The following ARID3B variants were observed in gnomAD, a reference collection of about 807,000 sequenced individuals.
ARID3B encodes AT-rich interactive domain-containing protein 3B.
Under a neutral mutation model 51.9 loss-of-function variants are expected in ARID3B, and 10 were observed. The ratio of observed to expected loss-of-function variants is 0.19; its 90% CI spans 0.12 to 0.33. ARID3B has a LOEUF of 0.33. Among genes scored for constraint, ARID3B ranks in the 10% least tolerant of loss-of-function variants. ARID3B has a pLI of 1.00. For missense variants in ARID3B, 483 were observed against 716.3 expected, an observed-to-expected ratio of 0.67 and a Z score of 3.72; for synonymous variants, 205 against 279.5, an observed-to-expected ratio of 0.73 and a Z score of 2.66.
Position 74,597,131 on chromosome 15 carries a change from C to A in ARID3B, c.*1357C>A, listed in dbSNP as rs2061829828. ...GCTCAGGGCACAGGCAGGCTGGGGT[C>A]CTCGCTGGCCTTGCCAGAGGTTGAG... On this transcript the variant is annotated 3_prime_UTR_variant, in exon 9 of 9. Transcript: ENST00000346246. 1.6e-5 allele frequency: 4 copies of A among 246,512 alleles called. No individual in the cohort carries two copies. The highest frequency in any genetic ancestry group is 3.2e-5 in the Non-Finnish European group (4 of 126,436). The allele number at this position is 246,512 out of a possible 1,614,324, so 15.3% of individuals were successfully genotyped here. A position where few individuals can be genotyped will look rare whatever the true frequency, so the allele number is the denominator to read the frequency against.
At chr15:74,570,852 G>A (rs1365619130) in intron 2 of ARID3B, among the ~76,000 whole-genome samples, 1 of 152,204 alleles carries the variant, frequency 6.6e-6, no homozygotes, top group African/African-American at 2.4e-5. Flanking sequence ...TCTGGTGACT[G>A]TAATTACAAT....
At chr15:74,579,828 CGTGTGTGTGT>C (rs374538596) in intron 4 of ARID3B, among the ~76,000 whole-genome samples, 6,874 of 137,836 alleles carry the variant, frequency 0.05, 326 homozygotes, top group Admixed American at 0.16. Context: ...CACCTGTTGC[CGTGTGTGTGT>C]GTGTGTGTGT....
intron 2 of ARID3B, among the ~76,000 whole-genome samples, chr15:74,554,411 T>C (rs1350791705): frequency 6.6e-6 from 1 of 152,114 alleles, no homozygotes; most frequent in Non-Finnish European, 1.5e-5. Context: ...CAAGCAGCCC[T>C]CCCGCCTCAG....
chr15:74,591,601 C>G lies in ARID3B; in HGVS notation c.1207C>G (p.Leu403Val). Residue 403 changes from leucine (L) to valine (V), a missense_variant, in exon 7 of 9, where the codon CTG becomes GTG. By Grantham distance (32) the Leu-to-Val change is conservative (BLOSUM62 1). Around this residue, in one of 3 missense-constraint regions of ARID3B, gnomAD observed 265 missense variants for 354.4 expected, o/e 0.75. Transcript: ENST00000346246. This position sits in a 1 kb window ranked among gnomAD's most constrained non-coding sequence, Gnocchi z 5.8. Reference protein sequence around the residue: ...PVTTVPVPNRLAVPVTLASQQ... With the variant: ...PVTTVPVPNRVAVPVTLASQQ... Reference sequence around the variant, plus strand: ...GACAACAGTGCCTGTGCCAAATCGTCTGGCTGTGCCCGTGACCTTGGCAAG... The same window carrying G: ...GACAACAGTGCCTGTGCCAAATCGTGTGGCTGTGCCCGTGACCTTGGCAAG... The G allele has an allele frequency of 6.2e-7, 1 of 1,607,150 alleles. No individual in the cohort carries two copies. Among genetic ancestry groups the G allele is most frequent in the Non-Finnish European group, 8.5e-7 (1 of 1,176,792 alleles).
intron 4 of ARID3B, among the ~76,000 whole-genome samples, chr15:74,584,974 T>C (rs2061774900): frequency 6.6e-6 from 1 of 152,200 alleles, no homozygotes; most frequent in Non-Finnish European, 1.5e-5. Context: ...ACTGTCAGTC[T>C]CCTTTATTGA....
chr15:74,590,440 C>G (rs2061798935), intron 5 of ARID3B, among the ~76,000 whole-genome samples: 1 of 152,198 alleles, frequency 6.6e-6, no homozygotes, highest in South Asian at 2.1e-4. Flanking sequence ...CCCCTCTTAC[C>G]TGATATTCAG....
chr15:74,579,550 C>T (rs11629946), intron 4 of ARID3B, among the ~76,000 whole-genome samples: 47,101 of 152,030 alleles, frequency 0.31, 9,875 homozygotes, highest in African/African-American at 0.55. Context: ...TTGTGTCTAT[C>T]GAGCTACCCT....
intron 2 of ARID3B, among the ~76,000 whole-genome samples, chr15:74,566,290 C>G (rs1375509388): frequency 6.6e-6 from 1 of 152,074 alleles, no homozygotes; most frequent in Non-Finnish European, 1.5e-5. Flanking sequence ...TCATACTACT[C>G]TCTTACTTGT....
At chr15:74,556,782 T>TTTTC (rs2061659971) in intron 2 of ARID3B, among the ~76,000 whole-genome samples, 1 of 147,446 alleles carries the variant, frequency 6.8e-6, no homozygotes, top group East Asian at 2.0e-4. Flanking sequence ...TTTTGTTTTT[T>TTTTC]TTTTTTTTTT....
intron 4 of ARID3B, among the ~76,000 whole-genome samples, chr15:74,587,328 C>T (rs1195890304): frequency 6.6e-6 from 1 of 152,146 alleles, no homozygotes; most frequent in Non-Finnish European, 1.5e-5. Flanking sequence ...GAGGTACCTC[C>T]AAGGACGAAT....
chr15:74,548,529 C>A (rs543360416), intron 2 of ARID3B, among the ~76,000 whole-genome samples: 1 of 152,326 alleles, frequency 6.6e-6, no homozygotes, highest in South Asian at 2.1e-4. Flanking sequence ...CCCTCCTCTA[C>A]CCTTCCCCTT....
chr15:74,545,798 G>A (rs1318289316), intron 2 of ARID3B, among the ~76,000 whole-genome samples: 4 of 152,202 alleles, frequency 2.6e-5, no homozygotes, highest in South Asian at 2.1e-4. Flanking sequence ...TACAACAATA[G>A]TGTTTGCAGC....
At chr15:74,589,773 G>A (rs1417540411) in intron 4 of ARID3B, 47 bp from the exon 5 acceptor site, 39 of 1,554,400 alleles carry the variant, frequency 2.5e-5, no homozygotes, top group Non-Finnish European at 3.3e-5. Context: ...TTTCTTCTCA[G>A]CCTGATGATG....
chr15:74,585,422 C>T (rs2061777133), intron 4 of ARID3B, among the ~76,000 whole-genome samples: 1 of 152,220 alleles, frequency 6.6e-6, no homozygotes, highest in Non-Finnish European at 1.5e-5. Flanking sequence ...GGCCTTAAGC[C>T]AGGGGCCCTT....
intron 2 of ARID3B, among the ~76,000 whole-genome samples, chr15:74,547,072 A>G (rs2061618468): frequency 6.6e-6 from 1 of 152,154 alleles, no homozygotes; most frequent in African/African-American, 2.4e-5. Context: ...TTACTTTATG[A>G]AACTTAATGG....
intron 8 of ARID3B, among the ~76,000 whole-genome samples, 192 bp from the exon 9 acceptor site, chr15:74,595,419 A>G (rs1366489249): frequency 6.6e-6 from 1 of 152,074 alleles, no homozygotes; most frequent in Non-Finnish European, 1.5e-5. Context: ...CTGTCGACCT[A>G]TCTGTCCCCC....
intron 2 of ARID3B, among the ~76,000 whole-genome samples, chr15:74,555,337 T>C (rs1055176395): frequency 1.6e-4 from 24 of 152,020 alleles, no homozygotes; most frequent in African/African-American, 5.1e-4. Context: ...ACTCTTTTTT[T>C]TTTCTTTTTT....
chr15:74,580,154 G>A (rs1172221719), intron 4 of ARID3B, among the ~76,000 whole-genome samples: 1 of 152,170 alleles, frequency 6.6e-6, no homozygotes, highest in Non-Finnish European at 1.5e-5. Context: ...TTGCACCACA[G>A]CCTGAGCAAC....
chr15:74,569,856 C>T (rs908870627), intron 2 of ARID3B, among the ~76,000 whole-genome samples: 1 of 152,196 alleles, frequency 6.6e-6, no homozygotes, highest in African/African-American at 2.4e-5. Flanking sequence ...TGCCTTAAGA[C>T]AAAGAATGGA....
Sources: gnomAD v4.1 joint callset for allele counts (sites outside exome capture counted in the v4.1 genomes callset) on GRCh38, gnomAD v4.1.1 for gene constraint, gnomAD v4.1.1 regional missense constraint, Gnocchi (gnomAD v3.1) non-coding constraint, MANE v1.5 for transcripts, NCBI Gene and HGNC (gene_info 2026-07-23, HGNC 2026-07-21) for gene names.